Variants in ACACA observed in about 807,000 individuals in gnomAD.
The protein encoded by ACACA is acetyl-CoA carboxylase 1.
A neutral mutation model predicts 296.1 loss-of-function variants in ACACA; 103 were observed. The observed-to-expected ratio is 0.35, with a 90% CI of 0.30 to 0.41. The LOEUF (loss-of-function observed/expected upper bound fraction) is 0.41. Ranked by LOEUF, ACACA falls within the 10% of genes least tolerant of loss-of-function variation. ACACA has a pLI of 1.00. For synonymous variants in ACACA, 953 were observed against 1,038.6 expected, an observed-to-expected ratio of 0.92 and a Z score of 1.58; for missense variants, 1,554 against 2,989.7, an observed-to-expected ratio of 0.52 and a Z score of 11.20.
chr17:37,393,507 A>C (rs2050967319), intron 1 of ACACA, among the ~76,000 whole-genome samples: 1 of 152,112 alleles, frequency 6.6e-6, no homozygotes, highest in Non-Finnish European at 1.5e-5. Context: ...CCCGGGAGAT[A>C]AAACCTATGG....
chr17:37,319,316 ATTTT>A (rs147646125), intron 3 of ACACA, among the ~76,000 whole-genome samples: 1 of 152,046 alleles, frequency 6.6e-6, no homozygotes, highest in African/African-American at 2.4e-5. Flanking sequence ...TAGAAAGTGA[ATTTT>A]TTTGACTAAA....
chr17:37,222,101 A>G (rs1439486508), intron 28 of ACACA: 1 of 508,170 alleles, frequency 2.0e-6, no homozygotes, highest in East Asian at 3.6e-5. Context: ...CTTCTTCCAC[A>G]CTAACCTAAA....
chr17:37,347,657 C>T (rs1368157013), intron 1 of ACACA, among the ~76,000 whole-genome samples: 1 of 150,480 alleles, frequency 6.6e-6, no homozygotes, highest in Non-Finnish European at 1.5e-5. Context: ...AATCCCAACA[C>T]TTTGGAAGGC....
At chr17:37,158,316 A>G (rs560309509) in intron 42 of ACACA, among the ~76,000 whole-genome samples, 1 of 152,276 alleles carries the variant, frequency 6.6e-6, no homozygotes, top group South Asian at 2.1e-4. Context: ...CAGCTTGTAC[A>G]TGAAACTTAA....
chr17:37,228,419 A>G (rs1282445756), intron 25 of ACACA, among the ~76,000 whole-genome samples: 1 of 152,124 alleles, frequency 6.6e-6, no homozygotes, highest in Non-Finnish European at 1.5e-5. Context: ...AAGTGAAGAT[A>G]AACCCAGAGG....
chr17:37,263,702 A>G lies in ACACA; in HGVS notation c.1312T>C (p.Phe438Leu). 1.2e-6 allele frequency: 2 copies of G among 1,614,074 alleles called. No individual in the cohort carries two copies. The highest frequency in any genetic ancestry group is 1.7e-6 in the Non-Finnish European group (2 of 1,179,928). The stretch of plus-strand genomic sequence containing the variant: ...ATATGTACCTGTTCCATGTGTTCAA[A>G]TACTGCTGGAGTAGCAATAGTAGCA... ...APATIATPAV[F>L]EHMEQCAVKL... is the part of the protein sequence containing the mutation. Residue 438 changes from phenylalanine to leucine, a missense_variant, in exon 11 of 56, where the codon TTT (phenylalanine) becomes CTT (leucine). Physicochemically the swap from Phe to Leu is conservative, Grantham distance 22 (BLOSUM62 0). This residue lies in a region of ACACA where 82 missense variants were observed against 185.2 expected (regional missense o/e 0.44). Transcript: ENST00000616317.
At chr17:37,362,306 T>C (rs745420749) in intron 1 of ACACA, among the ~76,000 whole-genome samples, 8 of 152,200 alleles carry the variant, frequency 5.3e-5, no homozygotes, top group Admixed American at 1.3e-4. Flanking sequence ...CAAGGTGATG[T>C]AAAGGTATTA....
At chr17:37,122,305 T>C (rs1378950665) in intron 49 of ACACA, among the ~76,000 whole-genome samples, 1 of 152,200 alleles carries the variant, frequency 6.6e-6, no homozygotes, top group Non-Finnish European at 1.5e-5. Context: ...TTTTCTAGCA[T>C]CAAGAAGACT....
chr17:37,104,158 A>G (rs780999669), intron 52 of ACACA, among the ~76,000 whole-genome samples: 105 of 152,194 alleles, frequency 6.9e-4, no homozygotes, highest in Non-Finnish European at 5.4e-4. Flanking sequence ...ATGTTTTAAG[A>G]AAGTTTACAA....
At chr17:37,133,981 A>G (rs867659108) in intron 45 of ACACA, among the ~76,000 whole-genome samples, 8 of 152,320 alleles carry the variant, frequency 5.3e-5, no homozygotes, top group Middle Eastern at 3.4e-3. Flanking sequence ...CTCATTCTCA[A>G]TATAAACTTA....
At chr17:37,272,610 T>C (rs780680804) in intron 9 of ACACA, among the ~76,000 whole-genome samples, 2 of 151,782 alleles carry the variant, frequency 1.3e-5, no homozygotes, top group Non-Finnish European at 2.9e-5. Context: ...AGTAAGAAGG[T>C]AGGCCTTTTA....
intron 3 of ACACA, chr17:37,299,841 G>C (rs1248846188): frequency 2.0e-6 from 2 of 980,264 alleles, no homozygotes; most frequent in East Asian, 1.1e-4. Context: ...GAAAATAATG[G>C]GCTCATGAAA....
intron 3 of ACACA, among the ~76,000 whole-genome samples, chr17:37,302,619 G>A (rs1023114865): frequency 6.6e-6 from 1 of 152,174 alleles, no homozygotes; most frequent in African/African-American, 2.4e-5. Context: ...TGTCAGCAAT[G>A]TTCCACAAGT....
Position 37,290,907 on chromosome 17 carries a change from C to T in ACACA, c.339-5937G>A, listed in dbSNP as rs140973867. 2.4e-3 allele frequency among the ~76,000 whole-genome samples: 368 copies of T among 151,826 alleles called. 3 individuals are homozygous for T. In the South Asian group the frequency reaches 0.033, roughly 14 times the overall value. On this transcript the variant is annotated intron_variant, in intron 3 of 55. Transcript: ENST00000616317. ...GCCATCCTGGCCAACAAGGTGAAAC[C>T]CCATCTCTAATAAAAATACAAAAAA...
At chr17:37,254,281 G>T (rs544912644) in intron 14 of ACACA, among the ~76,000 whole-genome samples, 2 of 152,252 alleles carry the variant, frequency 1.3e-5, no homozygotes, top group East Asian at 3.9e-4. Context: ...AACTGACATG[G>T]GCTAAAGTAT....
intron 41 of ACACA, among the ~76,000 whole-genome samples, chr17:37,173,847 TC>T (rs1483311131): frequency 6.8e-6 from 1 of 147,514 alleles, no homozygotes; most frequent in Non-Finnish European, 1.5e-5. Context: ...AGAGTCTCAC[TC>T]TGTCGCCCAG....
intron 1 of ACACA, chr17:37,345,312 A>T (rs563114148): frequency 6.6e-6 from 1 of 152,374 alleles, no homozygotes; most frequent in South Asian, 2.1e-4. Flanking sequence ...TCGGCCTCCC[A>T]AAGTGCTGGG....
intron 52 of ACACA, among the ~76,000 whole-genome samples, chr17:37,102,199 C>CTTTTTTT (rs35050543): frequency 5.7e-5 from 6 of 106,090 alleles, no homozygotes; most frequent in East Asian, 6.0e-4. Flanking sequence ...GCATCCAGCT[C>CTTTTTTT]TTTTTTTTTT....
At chr17:37,336,254 C>A (rs769188209) in intron 2 of ACACA, among the ~76,000 whole-genome samples, 6 of 152,146 alleles carry the variant, frequency 3.9e-5, no homozygotes, top group Non-Finnish European at 7.4e-5. Flanking sequence ...GAAATCTCAA[C>A]TGCACAACCT....
Sources: gnomAD v4.1 joint callset for allele counts (sites outside exome capture counted in the v4.1 genomes callset) on GRCh38, gnomAD v4.1.1 for gene constraint, gnomAD v4.1.1 regional missense constraint, MANE v1.5 for transcripts, NCBI Gene and HGNC (gene_info 2026-07-23, HGNC 2026-07-21) for gene names.